Variants in SH2D3C observed in about 807,000 individuals in gnomAD.
SH2D3C encodes SH2 domain containing 3C, also known as SH2 domain-containing protein 3C.
In SH2D3C, 25 loss-of-function variants were observed where a neutral mutation model predicts 75.2. The ratio of observed to expected loss-of-function variants is 0.33; its 90% CI spans 0.24 to 0.46. The LOEUF is 0.46. Ranked by LOEUF, SH2D3C falls within the 20% of genes least tolerant of loss-of-function variation. The pLI, the probability that SH2D3C is intolerant of heterozygous loss-of-function variation, is 1.00. For missense variants in SH2D3C, 933 were observed against 1,165.3 expected, an observed-to-expected ratio of 0.80 and a Z score of 2.90; for synonymous variants, 450 against 473.7, an observed-to-expected ratio of 0.95 and a Z score of 0.65.
At position 127,744,585 on chromosome 9, in the gene SH2D3C, A is replaced by G. The variant is rs191714855; in HGVS notation, c.1779T>C (p.His593=). The G allele has an allele frequency of 1.3e-5, 21 of 1,610,280 alleles. No individual in the cohort carries two copies. In the Admixed American group the frequency reaches 1.5e-4, roughly 12 times the overall value. ...AEVDARTLAR[H]VTKVDCLVAR... ...CTACCAGGCAGTCCACCTTGGTGAC[A>G]TGCCGGGCCAGCGTCCGGGCATCCA... Residue 593 remains histidine, a synonymous_variant, in exon 7 of 12, where the codon CAT becomes CAC. Coordinates refer to ENST00000314830, the MANE Select transcript of SH2D3C (RefSeq NM_170600.3).
In SH2D3C at chr9:127,749,321, G is replaced by T; in HGVS notation, c.1029C>A (p.Ser343Arg). 2 of 1,612,452 alleles carry T rather than the reference G, an allele frequency of 1.2e-6. No homozygotes were observed. Residue 343 changes from serine to arginine, a missense_variant, in exon 5 of 12, where the codon AGC becomes AGA. Ser to Arg is a moderately radical substitution (Grantham distance 110, BLOSUM62 -1). Coordinates refer to ENST00000314830, the MANE Select transcript of SH2D3C (RefSeq NM_170600.3). The surrounding 1 kb of genome is among the most constrained non-coding windows in gnomAD (Gnocchi z 5.9). ...GLGQGSSKPASPVSPSGPKGS... is the reference protein window; with the variant it reads ...GLGQGSSKPARPVSPSGPKGS... ...CCTTGGGGCCTGAGGGGCTGACGGG[G>T]CTAGCAGGCTTGCTACTCCCCTGTC...
At position 127,749,902 on chromosome 9, in the gene SH2D3C, G is replaced by A. The variant is rs1374718524; in HGVS notation, c.685-237C>T. Among the ~76,000 whole-genome samples, 1 of 152,102 alleles carries A rather than the reference G, an allele frequency of 6.6e-6. No homozygotes were observed. The highest frequency in any genetic ancestry group is 2.4e-5 in the African/African-American group (1 of 41,424). On this transcript the variant is annotated intron_variant, in intron 4 of 11. Coordinates refer to ENST00000314830, the MANE Select transcript of SH2D3C (RefSeq NM_170600.3). The surrounding 1 kb of genome is among the most constrained non-coding windows in gnomAD (Gnocchi z 5.9). ...CAGCACAGAGGCTCAGGAATGGGAG[G>A]ACCCAACACCTTGGAATGGGAGGCA...
At chr9:127,742,049 A>AGGCGGAG in intron 8 of SH2D3C, 90 bp from the exon 9 acceptor site, 1 of 1,311,534 alleles carries the variant, frequency 7.6e-7, no homozygotes, top group Non-Finnish European at 1.0e-6. Flanking sequence ...GGGCCGGGAG[A>AGGCGGAG]GGCGGAGGGC....
At chr9:127,740,715 C>T (rs550950658) in intron 9 of SH2D3C, among the ~76,000 whole-genome samples, 83 of 152,362 alleles carry the variant, frequency 5.4e-4, no homozygotes, top group African/African-American at 1.9e-3. Flanking sequence ...GAGTCTCATT[C>T]TGTCACCCAG....
At position 127,747,015 on chromosome 9, in the gene SH2D3C, A is replaced by T. The variant is rs541006573; in HGVS notation, c.1264+132T>A. 12 of 801,526 alleles carry T rather than the reference A, an allele frequency of 1.5e-5. No individual in the cohort carries two copies. The South Asian group carries it at 1.9e-4, about 13-fold the overall frequency. The allele number at this position is 801,526 out of a possible 1,614,324, so 49.7% of individuals were successfully genotyped here. On this transcript the variant is annotated intron_variant, in intron 6 of 11. Coordinates refer to ENST00000314830, the MANE Select transcript of SH2D3C (RefSeq NM_170600.3). Reference sequence around the variant, plus strand: ...TCAACAGTTCTGTTAGCAGGATTCCAGTGTCAGTTCTTTCTCTTGGTAAAG... The same window carrying T: ...TCAACAGTTCTGTTAGCAGGATTCCTGTGTCAGTTCTTTCTCTTGGTAAAG...
intron 2 of SH2D3C, among the ~76,000 whole-genome samples, chr9:127,771,763 A>G (rs1378899353): frequency 6.6e-6 from 1 of 152,146 alleles, no homozygotes; most frequent in Non-Finnish European, 1.5e-5. Flanking sequence ...GCTACATACA[A>G]TCCTTGGTCC....
chr9:127,754,215 G>A lies in SH2D3C; in HGVS notation c.556-2915C>T, dbSNP rs908865065. Among the ~76,000 whole-genome samples, 5 of 152,182 alleles carry A rather than the reference G, an allele frequency of 3.3e-5. No individual in the cohort carries two copies. Among genetic ancestry groups the A allele is most frequent in the African/African-American group, 9.7e-5 (4 of 41,450 alleles). On this transcript the variant is annotated intron_variant, in intron 3 of 11. Transcript: ENST00000314830. This position sits in a 1 kb window ranked among gnomAD's most constrained non-coding sequence, Gnocchi z 4.4. The stretch of plus-strand genomic sequence containing the variant: ...CGGCCTGCGCGCGCCTGATTGGCCG[G>A]TGCGGGGATGCTGCGCTCCGCCGCC...
rs758150970 is a variant in SH2D3C, at chr9:127,738,704, CCT to C, written c.*40_*41del. On this transcript the variant is annotated 3_prime_UTR_variant, in exon 12 of 12. Coordinates refer to ENST00000314830, the MANE Select transcript of SH2D3C (RefSeq NM_170600.3). The surrounding 1 kb of genome is among the most constrained non-coding windows in gnomAD (Gnocchi z 5.0). ...GGGGAAAGTTGTGTGCCCCTCTGCCCCTGACGCTGTCCGCAGCTGCAGAGGGG... is the reference window on the plus strand; with the variant it reads ...GGGGAAAGTTGTGTGCCCCTCTGCCCGACGCTGTCCGCAGCTGCAGAGGGG... 1.2e-5 allele frequency: 18 copies of C among 1,521,316 alleles called. No individual in the cohort carries two copies. In the African/African-American group the frequency reaches 1.9e-4, roughly 16 times the overall value. The allele number at this position is 1,521,316 out of a possible 1,614,324, so 94.2% of individuals were successfully genotyped here.
At chr9:127,768,272 C>T (rs1408137538) in intron 2 of SH2D3C, among the ~76,000 whole-genome samples, 2 of 152,128 alleles carry the variant, frequency 1.3e-5, no homozygotes, top group African/African-American at 4.8e-5. Flanking sequence ...AATTCTTGGA[C>T]CAGAATCAAC....
rs78394205 is a variant in SH2D3C at position 127,754,699 on chromosome 9, C to T, written c.556-3399G>A. The T allele has an allele frequency of 0.021, 7,588 of 363,428 alleles. 558 individuals are homozygous for T. The highest frequency in any genetic ancestry group is 0.15 in the African/African-American group (6,945 of 46,144). The allele number at this position is 363,428 out of a possible 1,614,324, so 22.5% of individuals were successfully genotyped here. On this transcript the variant is annotated intron_variant, in intron 3 of 11. Transcript: ENST00000314830. This position sits in a 1 kb window ranked among gnomAD's most constrained non-coding sequence, Gnocchi z 4.4. ...AGATCCCAGTCCGGCGCCCCCGGTA[C>T]AATGGGGAGCCAGGGTGCCCAGGTC...
At chr9:127,773,917 CAA>C (rs370913098) in intron 2 of SH2D3C, 71 bp downstream of exon 2, 10,276 of 706,838 alleles carry the variant, frequency 0.015, no homozygotes, top group South Asian at 0.02. Context: ...CACTCTGTGT[CAA>C]AAAAAAAAAA....
At position 127,754,952 on chromosome 9, in the gene SH2D3C, G is replaced by A. The variant is rs1039217849; in HGVS notation, c.556-3652C>T. Reference sequence around the variant, plus strand: ...CCCGCCCCCTCCCCGGGTCGGCCGGGCCCAGCCCAGCCCGACCCTGCCGGG... The same window carrying A: ...CCCGCCCCCTCCCCGGGTCGGCCGGACCCAGCCCAGCCCGACCCTGCCGGG... On this transcript the variant is annotated intron_variant, in intron 3 of 11. Coordinates refer to ENST00000314830, the MANE Select transcript of SH2D3C (RefSeq NM_170600.3). This position sits in a 1 kb window ranked among gnomAD's most constrained non-coding sequence, Gnocchi z 4.4. The A allele has an allele frequency of 2.0e-6, 1 of 495,186 alleles. No individual in the cohort carries two copies. Among genetic ancestry groups the A allele is most frequent in the Non-Finnish European group, 3.5e-6 (1 of 289,438 alleles). The allele number at this position is 495,186 out of a possible 1,614,324, so 30.7% of individuals were successfully genotyped here.
intron 8 of SH2D3C, among the ~76,000 whole-genome samples, chr9:127,742,246 TG>T: frequency 6.6e-6 from 1 of 152,324 alleles, no homozygotes; most frequent in South Asian, 2.1e-4. Flanking sequence ...TTTGTTTGTT[TG>T]TTTTTTGAGA....
chr9:127,740,793 G>A (rs1401664358), intron 9 of SH2D3C, among the ~76,000 whole-genome samples: 1 of 152,206 alleles, frequency 6.6e-6, no homozygotes, highest in African/African-American at 2.4e-5. Context: ...CGATTCTCCT[G>A]CCTCAGCCTG....
In SH2D3C at chr9:127,747,219, C is replaced by G; in HGVS notation, c.1192G>C (p.Asp398His). The change falls in exon 6 of 12, where the codon GAC becomes CAC. Residue 398 changes from aspartate to histidine, a missense_variant. By Grantham distance (81) the Asp-to-His change is moderately conservative (BLOSUM62 -1). Coordinates refer to ENST00000314830, the MANE Select transcript of SH2D3C (RefSeq NM_170600.3). ...GGTGAGTGCAGGTCTGGGATCTGGTCCATGCTGAGGGCACAGCTGCGGATG... is the reference window on the plus strand; with the variant it reads ...GGTGAGTGCAGGTCTGGGATCTGGTGCATGCTGAGGGCACAGCTGCGGATG... ...DSIRSCALSM[D>H]QIPDLHSPMS... 2 of 1,613,950 alleles carry G rather than the reference C, an allele frequency of 1.2e-6. No individual in the cohort carries two copies. The highest frequency in any genetic ancestry group is 1.7e-6 in the Non-Finnish European group (2 of 1,180,014).
Position 127,744,794 on chromosome 9 carries a change from T to A in SH2D3C, c.1570A>T (p.Arg524Trp), listed in dbSNP as rs138224789. Residue 524 changes from arginine (R) to tryptophan (W), a missense_variant, in exon 7 of 12, where the codon AGG (arginine) becomes TGG (tryptophan). By Grantham distance (101) the Arg-to-Trp change is moderately radical. Coordinates refer to ENST00000314830, the MANE Select transcript of SH2D3C (RefSeq NM_170600.3). ...SSQQARSYGE[R>W]LKELSENGAP... ...CCATTTTCTGACAGTTCCTTTAGCC[T>A]CTCCCCATAGCTCCTGGCCTGCTGG... 1 of 1,614,176 alleles carries A rather than the reference T, an allele frequency of 6.2e-7. No individual in the cohort carries two copies. Among genetic ancestry groups the A allele is most frequent in the Non-Finnish European group, 8.5e-7 (1 of 1,180,038 alleles).
At chr9:127,740,880 A>G (rs1347283672) in intron 9 of SH2D3C, among the ~76,000 whole-genome samples, 2 of 152,218 alleles carry the variant, frequency 1.3e-5, no homozygotes, top group East Asian at 3.9e-4. Context: ...ACGGGGTTTC[A>G]CCATGTTGGC....
chr9:127,774,062 G>A lies in SH2D3C; in HGVS notation c.443C>T (p.Pro148Leu), dbSNP rs775200627. ...EPNPSAVEVDPIRKPEVPTGD... is the reference protein window; with the variant it reads ...EPNPSAVEVDLIRKPEVPTGD... ...TGTGGGGACCTCAGGCTTTCTGATG[G>A]GGTCTACCTCCACTGCTGAAGGGTT... The change falls in exon 2 of 12, where the codon CCC becomes CTC. Residue 148 changes from proline (P) to leucine (L), a missense_variant. Pro to Leu is a moderately conservative substitution (Grantham distance 98). Coordinates refer to ENST00000314830, the MANE Select transcript of SH2D3C (RefSeq NM_170600.3). The surrounding 1 kb of genome is among the most constrained non-coding windows in gnomAD (Gnocchi z 4.3). 4.5e-5 allele frequency: 72 copies of A among 1,614,096 alleles called. No homozygotes were observed. The Admixed American group carries it at 1.2e-3, about 27-fold the overall frequency.
At chr9:127,766,496 A>G (rs1274758853) in intron 2 of SH2D3C, among the ~76,000 whole-genome samples, 1 of 152,170 alleles carries the variant, frequency 6.6e-6, no homozygotes, top group East Asian at 1.9e-4. Flanking sequence ...GACTCCACCC[A>G]TGAAGATCTG....
Sources: allele counts gnomAD v4.1 joint callset (sites outside exome capture counted in the v4.1 genomes callset), GRCh38; gene constraint gnomAD v4.1.1; non-coding constraint Gnocchi (gnomAD v3.1); transcripts MANE v1.5; gene names NCBI Gene and HGNC (gene_info 2026-07-23, HGNC 2026-07-21).